ANKRD33B: variants seen among roughly 807,000 people sequenced by gnomAD.
ANKRD33B encodes ankyrin repeat domain 33B.
ANKRD33B carries 6 observed loss-of-function variants against 21.5 expected under a neutral mutation model. The ratio of observed to expected loss-of-function variants is 0.28; its 90% CI spans 0.15 to 0.55. ANKRD33B has a LOEUF of 0.55. Among genes scored for constraint, ANKRD33B ranks in the 20% least tolerant of loss-of-function variants. The probability of loss-of-function intolerance (pLI) is 0.94; values close to 1 mark genes in which losing one functional copy is unlikely to be tolerated. For missense variants in ANKRD33B, 698 were observed against 747.2 expected, an observed-to-expected ratio of 0.93 and a Z score of 0.77; for synonymous variants, 347 against 342.4, an observed-to-expected ratio of 1.01 and a Z score of -0.15.
At chr5:10,640,755 A>T (rs1737032408) in intron 3 of ANKRD33B, among the ~76,000 whole-genome samples, 1 of 152,232 alleles carries the variant, frequency 6.6e-6, no homozygotes, top group African/African-American at 2.4e-5. Context: ...CTGCTGCTAT[A>T]ACAAAATACC....
chr5:10,649,496 G>A lies in ANKRD33B; in HGVS notation c.868G>A (p.Val290Met), dbSNP rs1737273844. ...GAGGCTCACAGACTGCGTGCTGTCCGTGCTGACGCCGCGCTCCGTGCGGGG... is the reference window on the plus strand; with the variant it reads ...GAGGCTCACAGACTGCGTGCTGTCCATGCTGACGCCGCGCTCCGTGCGGGG... ...LQRLTDCVLS[V>M]LTPRSVRGPE... Residue 290 changes from valine (V) to methionine (M), a missense_variant, in exon 4 of 4, where the codon GTG becomes ATG. Val to Met is a conservative substitution (Grantham distance 21). This residue lies in a region of ANKRD33B where 543 missense variants were observed against 566.5 expected (regional missense o/e 0.96). Transcript: ENST00000296657. The A allele has an allele frequency of 2.0e-6, 3 of 1,534,966 alleles. No homozygotes were observed. The highest frequency in any genetic ancestry group is 1.4e-5 in the African/African-American group (1 of 73,114).
chr5:10,626,121 G>T (rs1459241350), intron 2 of ANKRD33B, among the ~76,000 whole-genome samples: 1 of 152,218 alleles, frequency 6.6e-6, no homozygotes, highest in African/African-American at 2.4e-5. Flanking sequence ...GGCCGGAGTG[G>T]GAGGCAGGGC....
rs542204484 is a variant in ANKRD33B, at chr5:10,653,133, C to G, written c.*3020C>G. 1.3e-5 allele frequency: 2 copies of G among 157,866 alleles called. No individual in the cohort carries two copies. The highest frequency in any genetic ancestry group is 1.8e-4 in the East Asian group (1 of 5,488). 9.8% of individuals were successfully genotyped at this position (157,866 alleles called of 1,614,324 possible). A position where few individuals can be genotyped will look rare whatever the true frequency, so the allele number is the denominator to read the frequency against. On this transcript the variant is annotated 3_prime_UTR_variant, in exon 4 of 4. Transcript: ENST00000296657. ...GAGTTGGAGACTCTCCCCAGTCCCTCTCTCTGGACTCATTCTAGCTGTGGC... is the reference window on the plus strand; with the variant it reads ...GAGTTGGAGACTCTCCCCAGTCCCTGTCTCTGGACTCATTCTAGCTGTGGC...
rs61606328 is a variant in ANKRD33B at position 10,630,614 on chromosome 5, A to G, written c.497-7414A>G. Among the ~76,000 whole-genome samples, 570 of 152,342 alleles carry G rather than the reference A, an allele frequency of 3.7e-3. 4 individuals carry two copies. Among genetic ancestry groups the G allele is most frequent in the African/African-American group, 0.013 (546 of 41,580 alleles). On this transcript the variant is annotated intron_variant, in intron 2 of 3. Coordinates refer to ENST00000296657, the MANE Select transcript of ANKRD33B (RefSeq NM_001164440.2). ...ACAAAAGAGGCCATGTTCCCATAAC[A>G]TGCGTACATGGGAGCCTTCGGAATG...
chr5:10,645,069 A>G (rs1737162544), intron 3 of ANKRD33B, among the ~76,000 whole-genome samples: 1 of 152,224 alleles, frequency 6.6e-6, no homozygotes, highest in African/African-American at 2.4e-5. Context: ...AACTTTGAGC[A>G]CACTTCCCAC....
chr5:10,593,781 C>A (rs1417411133), intron 1 of ANKRD33B, among the ~76,000 whole-genome samples: 16 of 152,096 alleles, frequency 1.1e-4, no homozygotes, highest in Admixed American at 5.2e-4. Context: ...GATCCCCATT[C>A]CAGCACAACC....
chr5:10,569,726 G>A (rs937788199), intron 1 of ANKRD33B, among the ~76,000 whole-genome samples: 2 of 152,198 alleles, frequency 1.3e-5, no homozygotes, highest in Non-Finnish European at 2.9e-5. Flanking sequence ...CCGGGAGTCC[G>A]AGGGGCTGGA....
intron 1 of ANKRD33B, among the ~76,000 whole-genome samples, chr5:10,575,467 C>T (rs926116768): frequency 1.3e-5 from 2 of 152,016 alleles, no homozygotes; most frequent in Admixed American, 6.6e-5. Flanking sequence ...ATTGTTGGGC[C>T]TTACCTTTAT....
intron 2 of ANKRD33B, chr5:10,624,743 T>A (rs1347188722): frequency 4.4e-6 from 2 of 456,658 alleles, no homozygotes; most frequent in Admixed American, 2.3e-5. Flanking sequence ...CCTGTCCCCA[T>A]GGGCATAGTT....
Position 10,650,343 on chromosome 5 carries a change from C to G in ANKRD33B, c.*230C>G. 2.7e-6 allele frequency: 1 copy of G among 370,640 alleles called. No individual in the cohort carries two copies. The highest frequency in any genetic ancestry group is 4.7e-6 in the Non-Finnish European group (1 of 213,258). The allele number at this position is 370,640 out of a possible 1,614,324, so 23.0% of individuals were successfully genotyped here. A position where few individuals can be genotyped will look rare whatever the true frequency, so the allele number is the denominator to read the frequency against. On this transcript the variant is annotated 3_prime_UTR_variant, in exon 4 of 4. Coordinates refer to ENST00000296657, the MANE Select transcript of ANKRD33B (RefSeq NM_001164440.2). ...CCTAGCAATCAGTACACCTAGCGGG[C>G]ACGTTGCCTAAAAGGCTCCCTTTAG...
intron 1 of ANKRD33B, among the ~76,000 whole-genome samples, chr5:10,574,080 G>A (rs550568267): frequency 1.2e-4 from 18 of 152,260 alleles, no homozygotes; most frequent in African/African-American, 2.6e-4. Flanking sequence ...TTTTACACAC[G>A]CACAAACATG....
intron 1 of ANKRD33B, among the ~76,000 whole-genome samples, chr5:10,583,888 T>A (rs1735498757): frequency 6.6e-6 from 1 of 152,236 alleles, no homozygotes; most frequent in Admixed American, 6.5e-5. Context: ...TGACTGTATT[T>A]TTCTCTTGGA....
In ANKRD33B at chr5:10,649,373, C is replaced by T. The variant is rs1328708498; in HGVS notation, c.745C>T (p.Arg249Cys). 2.6e-6 allele frequency: 4 copies of T among 1,535,432 alleles called. No homozygotes were observed. Among genetic ancestry groups the T allele is most frequent in the Non-Finnish European group, 2.6e-6 (3 of 1,146,700 alleles). The change falls in exon 4 of 4, where the codon CGC (arginine) becomes TGC (cysteine). Residue 249 changes from arginine to cysteine, a missense_variant. Transcript: ENST00000296657. Reference protein sequence around the residue: ...AVRLMQRLLERPCPEQFWEKY... With the variant: ...AVRLMQRLLECPCPEQFWEKY... ...CCGTCTCATGCAGAGGCTGCTGGAG[C>T]GCCCCTGCCCGGAGCAGTTCTGGGA...
At chr5:10,568,696 G>A (rs1357142634) in intron 1 of ANKRD33B, among the ~76,000 whole-genome samples, 6 of 152,168 alleles carry the variant, frequency 3.9e-5, no homozygotes, top group East Asian at 3.9e-4. Flanking sequence ...CACCACGCCC[G>A]GCTAATTTTT....
intron 1 of ANKRD33B, among the ~76,000 whole-genome samples, chr5:10,582,193 C>T (rs1331718122): frequency 6.6e-6 from 1 of 152,310 alleles, no homozygotes; most frequent in East Asian, 1.9e-4. Flanking sequence ...CTTAAAAGGG[C>T]CCTATGTCTG....
chr5:10,593,955 A>G (rs1221499411), intron 1 of ANKRD33B, among the ~76,000 whole-genome samples: 1 of 152,196 alleles, frequency 6.6e-6, no homozygotes, highest in Non-Finnish European at 1.5e-5. Context: ...GTCCCGTGGC[A>G]AGGCAGAACC....
chr5:10,634,974 TG>T (rs1456532554), intron 2 of ANKRD33B, among the ~76,000 whole-genome samples: 1 of 151,670 alleles, frequency 6.6e-6, no homozygotes, highest in African/African-American at 2.4e-5. Context: ...TCTGCCATCC[TG>T]GGAAAACCCG....
chr5:10,601,370 A>G (rs907476274), intron 1 of ANKRD33B, among the ~76,000 whole-genome samples: 10 of 152,178 alleles, frequency 6.6e-5, no homozygotes, highest in African/African-American at 2.4e-4. Context: ...GCCTTTGCAC[A>G]TGCTTGCCTC....
At chr5:10,620,725 C>T (rs1192662256) in intron 2 of ANKRD33B, among the ~76,000 whole-genome samples, 2 of 152,184 alleles carry the variant, frequency 1.3e-5, no homozygotes, top group Non-Finnish European at 2.9e-5. Flanking sequence ...ATGGCATTGG[C>T]CATGATATGT....
Sources: allele counts gnomAD v4.1 joint callset (sites outside exome capture counted in the v4.1 genomes callset), GRCh38; gene constraint gnomAD v4.1.1; regional missense constraint gnomAD v4.1.1; transcripts MANE v1.5; gene names NCBI Gene and HGNC (gene_info 2026-07-23, HGNC 2026-07-21).